The following OR2AJ1 variants were observed in gnomAD, a reference collection of about 807,000 sequenced individuals.
The protein encoded by OR2AJ1 is olfactory receptor family 2 subfamily AJ member 1.
For synonymous variants in OR2AJ1, 105 were observed against 60.3 expected (o/e 1.74, Z -3.44); for missense variants, 280 against 163.2 (o/e 1.72, Z -3.90).
At chr1:247,931,331 A>T (rs1660150884) in intron 1 of OR2AJ1, among the ~76,000 whole-genome samples, 2 of 152,190 alleles carry the variant, frequency 1.3e-5, no homozygotes, top group Non-Finnish European at 2.9e-5. Flanking sequence ...CCACTTTCAA[A>T]CACGGAATTG....
At chr1:247,927,946 C>A (rs922722064) in intron 1 of OR2AJ1, among the ~76,000 whole-genome samples, 1 of 152,156 alleles carries the variant, frequency 6.6e-6, no homozygotes, top group African/African-American at 2.4e-5. Context: ...GTAGTTGATT[C>A]CATATCTTGG....
intron 1 of OR2AJ1, among the ~76,000 whole-genome samples, chr1:247,927,551 T>C (rs1466876073): frequency 2.2e-5 from 3 of 137,430 alleles, no homozygotes; most frequent in Non-Finnish European, 3.2e-5. Context: ...CTTCTAGCTA[T>C]TTGAAAAGAT....
intron 1 of OR2AJ1, among the ~76,000 whole-genome samples, chr1:247,929,918 G>A (rs547639467): frequency 6.6e-6 from 1 of 152,002 alleles, no homozygotes; most frequent in Non-Finnish European, 1.5e-5. Context: ...GAATTCCTGG[G>A]CTAGGTAACA....
intron 1 of OR2AJ1, among the ~76,000 whole-genome samples, chr1:247,925,864 G>A (rs1660085836): frequency 6.6e-6 from 1 of 152,164 alleles, no homozygotes; most frequent in African/African-American, 2.4e-5. Context: ...ATTAAGGGTA[G>A]CAAACGATTA....
In OR2AJ1 at chr1:247,933,916, C is replaced by T. The variant is rs1172759450; in HGVS notation, c.148C>T (p.Arg50Cys). The stretch of plus-strand genomic sequence containing the variant: ...AAATACGCTCATGATCCTCCTCATT[C>T]GCAGTGACTCCCGACTCCACACTCC... ...TENTLMILLIRSDSRLHTPMY... is the reference protein window; with the variant it reads ...TENTLMILLICSDSRLHTPMY... The change falls in exon 2 of 2, where the codon CGC (arginine) becomes TGC (cysteine). Residue 50 changes from arginine to cysteine, a missense_variant. Physicochemically the swap from Arg to Cys is radical, Grantham distance 180. Transcript: ENST00000318244. The T allele has an allele frequency of 5.6e-6, 4 of 717,320 alleles. No homozygotes were observed. Among genetic ancestry groups the T allele is most frequent in the Non-Finnish European group, 1.0e-5 (4 of 384,934 alleles). The allele number at this position is 717,320 out of a possible 1,614,324, so 44.4% of individuals were successfully genotyped here. A position where few individuals can be genotyped will look rare whatever the true frequency, so the allele number is the denominator to read the frequency against.
chr1:247,928,989 G>C (rs1660123517), intron 1 of OR2AJ1, among the ~76,000 whole-genome samples: 1 of 152,134 alleles, frequency 6.6e-6, no homozygotes, highest in African/African-American at 2.4e-5. Context: ...AGCTCCTTGG[G>C]AGACAGTAAT....
rs1276930549 is a variant in OR2AJ1, at chr1:247,934,250, C to T, written c.482C>T (p.Ala161Val). The change falls in exon 2 of 2, where the codon GCT becomes GTT. Residue 161 changes from alanine to valine, a missense_variant. Coordinates refer to ENST00000318244, the MANE Select transcript of OR2AJ1 (RefSeq NM_001355235.2). Reference protein sequence around the residue: ...IGVFNSTVHTAYALQFPFCGS... With the variant: ...IGVFNSTVHTVYALQFPFCGS... ...GTTTTCAACTCCACAGTCCACACAGCTTATGCACTGCAGTTTCCCTTCTGT... is the reference window on the plus strand; with the variant it reads ...GTTTTCAACTCCACAGTCCACACAGTTTATGCACTGCAGTTTCCCTTCTGT... The T allele has an allele frequency of 9.7e-6, 7 of 721,352 alleles. No individual in the cohort carries two copies. The highest frequency in any genetic ancestry group is 1.8e-5 in the Non-Finnish European group (7 of 387,394). 44.7% of individuals were successfully genotyped at this position (721,352 alleles called of 1,614,324 possible). A position where few individuals can be genotyped will look rare whatever the true frequency, so the allele number is the denominator to read the frequency against.
At chr1:247,932,300 C>T (rs1270247346) in intron 1 of OR2AJ1, among the ~76,000 whole-genome samples, 1 of 152,194 alleles carries the variant, frequency 6.6e-6, no homozygotes, top group Non-Finnish European at 1.5e-5. Context: ...CACACCACTA[C>T]ACTCCAGCAT....
Position 247,934,222 on chromosome 1 carries a change from G to C in OR2AJ1, c.454G>C (p.Gly152Arg), listed in dbSNP as rs1238051220. ...ALMAGGSWLI[G>R]VFNSTVHTAY... Reference sequence around the variant, plus strand: ...CATGGCTGGAGGCTCCTGGCTCATTGGGGTTTTCAACTCCACAGTCCACAC... The same window carrying C: ...CATGGCTGGAGGCTCCTGGCTCATTCGGGTTTTCAACTCCACAGTCCACAC... The change falls in exon 2 of 2, where the codon GGG becomes CGG. Residue 152 changes from glycine (G) to arginine (R), a missense_variant. By Grantham distance (125) the Gly-to-Arg change is moderately radical (BLOSUM62 -2). Coordinates refer to ENST00000318244, the MANE Select transcript of OR2AJ1 (RefSeq NM_001355235.2). The C allele has an allele frequency of 1.4e-6, 1 of 718,904 alleles. No homozygotes were observed. Among genetic ancestry groups the C allele is most frequent in the Non-Finnish European group, 2.6e-6 (1 of 386,016 alleles). The allele number at this position is 718,904 out of a possible 1,614,324, so 44.5% of individuals were successfully genotyped here. A position where few individuals can be genotyped will look rare whatever the true frequency, so the allele number is the denominator to read the frequency against.
intron 1 of OR2AJ1, among the ~76,000 whole-genome samples, chr1:247,928,816 C>T (rs1010756391): frequency 5.3e-5 from 8 of 152,094 alleles, no homozygotes; most frequent in Admixed American, 1.3e-4. Flanking sequence ...CAGGATGGGC[C>T]GGGCGCGGTG....
At chr1:247,929,038 A>T (rs1236882747) in intron 1 of OR2AJ1, among the ~76,000 whole-genome samples, 1 of 152,194 alleles carries the variant, frequency 6.6e-6, no homozygotes, top group African/African-American at 2.4e-5. Flanking sequence ...TAACAAGGAG[A>T]AGACATGTGG....
Position 247,929,856 on chromosome 1 carries a change from G to A in OR2AJ1, c.-22-3891G>A, listed in dbSNP as rs550254651. 2.6e-5 allele frequency among the ~76,000 whole-genome samples: 4 copies of A among 152,104 alleles called. No homozygotes were observed. The East Asian group carries it at 5.8e-4, about 22-fold the overall frequency. ...CTGTTTATCTCTTCAAAGCAGTAGG[G>A]TATTGATGATATTGTTATTTTCTTA... On this transcript the variant is annotated intron_variant, in intron 1 of 1. Transcript: ENST00000318244.
chr1:247,927,522 G>A (rs1186130793), intron 1 of OR2AJ1, among the ~76,000 whole-genome samples: 2 of 151,478 alleles, frequency 1.3e-5, no homozygotes, highest in African/African-American at 4.9e-5. Context: ...GTGTGTGTTG[G>A]GAACATTGAA....
chr1:247,933,987 T>C lies in OR2AJ1; in HGVS notation c.219T>C (p.His73=). The change falls in exon 2 of 2, where the codon CAT becomes CAC. Residue 73 remains histidine, a synonymous_variant. Coordinates refer to ENST00000318244, the MANE Select transcript of OR2AJ1 (RefSeq NM_001355235.2). ...LSHLSLMDIL[H]VSNIVPKMVT... is the part of the protein sequence containing the mutation. ...ATCTCTCCTTAATGGATATCTTGCA[T>C]GTTTCCAACATCGTTCCCAAAATGG... 1 of 717,656 alleles carries C rather than the reference T, an allele frequency of 1.4e-6. No homozygotes were observed. The highest frequency in any genetic ancestry group is 2.6e-6 in the Non-Finnish European group (1 of 385,110). The allele number at this position is 717,656 out of a possible 1,614,324, so 44.5% of individuals were successfully genotyped here.
chr1:247,927,542 T>C (rs2103004727), intron 1 of OR2AJ1, among the ~76,000 whole-genome samples: 1 of 108,148 alleles, frequency 9.2e-6, no homozygotes, highest in Admixed American at 1.0e-4. Context: ...AAATCCTTTC[T>C]TCTAGCTATT....
At chr1:247,927,649 A>G (rs1242011520) in intron 1 of OR2AJ1, among the ~76,000 whole-genome samples, 1 of 152,154 alleles carries the variant, frequency 6.6e-6, no homozygotes, top group Non-Finnish European at 1.5e-5. Flanking sequence ...ATTTGTACTC[A>G]TTGAGCAACT....
intron 1 of OR2AJ1, among the ~76,000 whole-genome samples, chr1:247,928,764 C>T (rs1044963864): frequency 2.0e-5 from 3 of 152,112 alleles, no homozygotes; most frequent in African/African-American, 7.2e-5. Flanking sequence ...GTTACAGGAA[C>T]ATTTCAGGAA....
chr1:247,933,725 T>C (rs993062891), intron 1 of OR2AJ1, 22 bp from the exon 2 acceptor site: 5 of 563,136 alleles, frequency 8.9e-6, no homozygotes, highest in Non-Finnish European at 1.6e-5. Flanking sequence ...TTCTTTATTA[T>C]TAATTCATTA....
intron 1 of OR2AJ1, among the ~76,000 whole-genome samples, chr1:247,927,832 C>T (rs760009644): frequency 1.3e-5 from 2 of 152,138 alleles, no homozygotes; most frequent in Non-Finnish European, 2.9e-5. Context: ...CAGGCTCATC[C>T]ATGTTGCCAC....
Sources: allele counts gnomAD v4.1 joint callset (sites outside exome capture counted in the v4.1 genomes callset), GRCh38; gene constraint gnomAD v4.1.1; transcripts MANE v1.5; gene names NCBI Gene and HGNC (gene_info 2026-07-23, HGNC 2026-07-21).